Variants in EXOC4 observed in about 807,000 individuals in gnomAD.
EXOC4 encodes the protein exocyst complex component 4.
EXOC4 carries 71 observed loss-of-function variants against 107.2 expected under a neutral mutation model. That is an observed-to-expected ratio of 0.66 (90% confidence interval 0.55 to 0.81). The LOEUF is 0.81. EXOC4 is among the 30% of genes least tolerant of loss of function. The pLI, the probability that EXOC4 is intolerant of heterozygous loss-of-function variation, is 0.00. For missense variants in EXOC4, 1,108 were observed against 1,189.6 expected, an observed-to-expected ratio of 0.93 and a Z score of 1.01; for synonymous variants, 456 against 441.2, an observed-to-expected ratio of 1.03 and a Z score of -0.42.
chr7:133,407,616 G>A (rs1797252537), intron 7 of EXOC4, among the ~76,000 whole-genome samples: 4 of 152,192 alleles, frequency 2.6e-5, no homozygotes, highest in Admixed American at 2.6e-4. Context: ...GGTAAGATAA[G>A]ATGTGTGTAA....
chr7:133,686,993 TTGTGTG>T (rs1027053373), intron 10 of EXOC4, among the ~76,000 whole-genome samples: 138 of 7,602 alleles, frequency 0.018, no homozygotes, highest in African/African-American at 0.033. Flanking sequence ...ATAAAGAATT[TTGTGTG>T]TGTGTGTGTG....
At chr7:133,997,863 T>C (rs1326601396) in intron 15 of EXOC4, among the ~76,000 whole-genome samples, 1 of 152,162 alleles carries the variant, frequency 6.6e-6, no homozygotes, top group Non-Finnish European at 1.5e-5. Flanking sequence ...GTCACCTAGA[T>C]TGGAATGTCA....
intron 5 of EXOC4, among the ~76,000 whole-genome samples, chr7:133,341,916 T>G (rs1464296317): frequency 6.6e-6 from 1 of 152,198 alleles, no homozygotes; most frequent in Admixed American, 6.5e-5. Context: ...CTTAGATTTA[T>G]GTGAGTTCTT....
chr7:133,573,080 C>G (rs755352859), intron 9 of EXOC4, among the ~76,000 whole-genome samples: 1 of 152,014 alleles, frequency 6.6e-6, no homozygotes, highest in Non-Finnish European at 1.5e-5. Context: ...CTAAAACAAA[C>G]AAATAAAAGG....
At chr7:133,295,507 A>C (rs935022807) in intron 3 of EXOC4, among the ~76,000 whole-genome samples, 2 of 152,160 alleles carry the variant, frequency 1.3e-5, no homozygotes, top group African/African-American at 4.8e-5. Context: ...AGGTAAGTAA[A>C]TATGTTAATC....
intron 10 of EXOC4, among the ~76,000 whole-genome samples, chr7:133,767,818 G>A (rs2151159153): frequency 1.3e-5 from 2 of 152,060 alleles, no homozygotes; most frequent in East Asian, 1.9e-4. Flanking sequence ...CCACTACATG[G>A]TAGGAACTGT....
chr7:133,994,686 C>T (rs574547723), intron 14 of EXOC4, among the ~76,000 whole-genome samples: 77 of 152,134 alleles, frequency 5.1e-4, no homozygotes, highest in African/African-American at 1.8e-3. Context: ...CGCGTGGGCT[C>T]TTCTGATATG....
chr7:134,062,178 T>C (rs1232898744), intron 17 of EXOC4, among the ~76,000 whole-genome samples: 1 of 152,222 alleles, frequency 6.6e-6, no homozygotes, highest in Non-Finnish European at 1.5e-5. Flanking sequence ...TTCATTAACT[T>C]ACCAATCTAC....
chr7:133,876,156 T>C (rs1157393544), intron 11 of EXOC4, among the ~76,000 whole-genome samples: 1 of 152,158 alleles, frequency 6.6e-6, no homozygotes, highest in Admixed American at 6.6e-5. Flanking sequence ...ATTAATATTT[T>C]TCCTTTAGTA....
chr7:133,904,438 C>A (rs1290299377), intron 12 of EXOC4, among the ~76,000 whole-genome samples: 1 of 152,192 alleles, frequency 6.6e-6, no homozygotes, highest in East Asian at 1.9e-4. Flanking sequence ...CAAACTCTAT[C>A]TCTCTTGGAC....
intron 5 of EXOC4, among the ~76,000 whole-genome samples, chr7:133,346,161 T>G (rs956646192): frequency 6.6e-6 from 1 of 152,206 alleles, no homozygotes; most frequent in African/African-American, 2.4e-5. Flanking sequence ...GAGTGGAGGC[T>G]GAGGATACAG....
chr7:133,633,254 A>G (rs1043185201), intron 10 of EXOC4, among the ~76,000 whole-genome samples: 3 of 152,148 alleles, frequency 2.0e-5, no homozygotes. Context: ...CTGGTTTGAC[A>G]TGATTGAGAA....
At chr7:134,070,103 A>T (rs936762737), downstream of EXOC4, among the ~76,000 whole-genome samples, 2 of 152,202 alleles carry the variant, frequency 1.3e-5, no homozygotes, top group African/African-American at 4.8e-5. Context: ...GATTGTCTTA[A>T]TGTGGCAGGA....
At chr7:133,255,368 G>T (rs1038705048) in intron 1 of EXOC4, among the ~76,000 whole-genome samples, 1 of 151,982 alleles carries the variant, frequency 6.6e-6, no homozygotes, top group African/African-American at 2.4e-5. Context: ...GTAGATACAG[G>T]GTTTCACCAT....
At chr7:133,574,275 G>A (rs1801082817) in intron 9 of EXOC4, among the ~76,000 whole-genome samples, 1 of 151,948 alleles carries the variant, frequency 6.6e-6, no homozygotes, top group Non-Finnish European at 1.5e-5. Flanking sequence ...AATTATATAT[G>A]ATTTATATAA....
At chr7:133,514,685 G>A (rs1243936129) in intron 9 of EXOC4, among the ~76,000 whole-genome samples, 2 of 152,104 alleles carry the variant, frequency 1.3e-5, no homozygotes, top group Non-Finnish European at 1.5e-5. Flanking sequence ...GTTCTTAAGA[G>A]GAGACTAATG....
At chr7:133,986,980 C>T (rs1585302203) in intron 14 of EXOC4, among the ~76,000 whole-genome samples, 1 of 152,126 alleles carries the variant, frequency 6.6e-6, no homozygotes, top group South Asian at 2.1e-4. Context: ...TTGTAGGCCT[C>T]GTGAATCCTT....
intron 6 of EXOC4, among the ~76,000 whole-genome samples, chr7:133,372,939 A>G (rs1378919709): frequency 1.3e-5 from 2 of 152,380 alleles, no homozygotes; most frequent in East Asian, 1.9e-4. Context: ...TACAAAAGAT[A>G]TAATGTTAAA....
rs190523681 is a variant in EXOC4, at chr7:133,282,231, T to C, written c.277-6691T>C. Among the ~76,000 whole-genome samples the C allele has an allele frequency of 1.3e-3, 202 of 152,350 alleles. 1 individual carries two copies. Among genetic ancestry groups the C allele is most frequent in the African/African-American group, 4.2e-3 (176 of 41,592 alleles). On this transcript the variant is annotated intron_variant, in intron 2 of 17. Coordinates refer to ENST00000253861, the MANE Select transcript of EXOC4 (RefSeq NM_021807.4). Reference sequence around the variant, plus strand: ...TATCATCTCACATTTCTATTCACAGTAGCCTCTTGGGCCCTGTTTTCTTTC... The same window carrying C: ...TATCATCTCACATTTCTATTCACAGCAGCCTCTTGGGCCCTGTTTTCTTTC...
Sources: allele counts gnomAD v4.1 joint callset (sites outside exome capture counted in the v4.1 genomes callset), GRCh38; gene constraint gnomAD v4.1.1; transcripts MANE v1.5; gene names NCBI Gene and HGNC (gene_info 2026-07-23, HGNC 2026-07-21).